The following TBC1D22A variants were observed in gnomAD, a reference collection of about 807,000 sequenced individuals.
TBC1D22A encodes the protein putative GTPase activator.
A neutral mutation model predicts 60.2 loss-of-function variants in TBC1D22A; 38 were observed. That is an observed-to-expected ratio of 0.63 (90% CI 0.49 to 0.83). The LOEUF (loss-of-function observed/expected upper bound fraction) is 0.83. TBC1D22A is among the 40% of genes least tolerant of loss of function. The pLI is 0.00. For synonymous variants in TBC1D22A, 302 were observed against 281.7 expected (o/e 1.07, Z -0.72); for missense variants, 628 against 701.0 (o/e 0.90, Z 1.18).
At chr22:47,100,201 G>A (rs568529687) in intron 11 of TBC1D22A, among the ~76,000 whole-genome samples, 23 of 151,858 alleles carry the variant, frequency 1.5e-4, no homozygotes, top group East Asian at 5.8e-4. Context: ...GGGGTGAGGC[G>A]TCAGGGCACA....
At chr22:47,076,376 T>TAC (rs1569422615) in intron 11 of TBC1D22A, among the ~76,000 whole-genome samples, 6 of 105,634 alleles carry the variant, frequency 5.7e-5, no homozygotes, top group African/African-American at 2.5e-4. Context: ...TATATATATA[T>TAC]ATATACACAC....
intron 1 of TBC1D22A, among the ~76,000 whole-genome samples, chr22:46,774,613 CCT>C (rs2083621263): frequency 6.6e-6 from 1 of 152,232 alleles, no homozygotes; most frequent in Non-Finnish European, 1.5e-5. Context: ...CCCTCTCCTC[CCT>C]GAGTCTGCCT....
Position 47,009,428 on chromosome 22 carries a change from CCAT to C in TBC1D22A, c.1201+11728_1201+11730del, listed in dbSNP as rs754365548. ...CATCACCATCATTGTGTCATCACCA[CCAT>C]CATCATCACCATCACCATCATTTCT... On this transcript the variant is annotated intron_variant, in intron 10 of 12. Coordinates refer to ENST00000337137, the MANE Select transcript of TBC1D22A (RefSeq NM_014346.5). This position sits in a 1 kb window ranked among gnomAD's most constrained non-coding sequence, Gnocchi z 5.8. Among the ~76,000 whole-genome samples, 21 of 151,126 alleles carry C rather than the reference CCAT, an allele frequency of 1.4e-4. No individual in the cohort carries two copies. Among genetic ancestry groups the C allele is most frequent in the Non-Finnish European group, 2.7e-4 (18 of 67,844 alleles).
At chr22:46,906,528 G>A (rs768680360) in intron 7 of TBC1D22A, among the ~76,000 whole-genome samples, 2 of 152,240 alleles carry the variant, frequency 1.3e-5, no homozygotes, top group Admixed American at 6.5e-5. Context: ...CAGAGACTCT[G>A]CGCTGATGGC....
rs561399781 is a variant in TBC1D22A, at chr22:47,143,565, T to TCA, written c.1426-29931_1426-29930dup. Among the ~76,000 whole-genome samples the TCA allele has an allele frequency of 4.7e-4, 72 of 152,344 alleles. 3 individuals carry two copies. The East Asian group carries it at 8.7e-3, about 18-fold the overall frequency. On this transcript the variant is annotated intron_variant, in intron 12 of 12. Coordinates refer to ENST00000337137, the MANE Select transcript of TBC1D22A (RefSeq NM_014346.5). The stretch of plus-strand genomic sequence containing the variant: ...CCTGGAATGATACTTAGGCACTGCC[T>TCA]CACGTGCAGAAAGCCTGTGACTGAA...
At chr22:46,967,943 C>T (rs1317676339) in intron 8 of TBC1D22A, among the ~76,000 whole-genome samples, 1 of 152,112 alleles carries the variant, frequency 6.6e-6, no homozygotes, top group African/African-American at 2.4e-5. Context: ...AGAGCACCCC[C>T]TGGTAATTAC....
intron 10 of TBC1D22A, among the ~76,000 whole-genome samples, chr22:47,010,917 C>T (rs61030154): frequency 3.9e-5 from 6 of 152,292 alleles, no homozygotes; most frequent in South Asian, 2.1e-4. Flanking sequence ...AGTTCAGCCT[C>T]GGTCCCTGAC....
At chr22:46,995,606 C>T (rs1414095035) in intron 9 of TBC1D22A, among the ~76,000 whole-genome samples, 2 of 152,098 alleles carry the variant, frequency 1.3e-5, no homozygotes, top group African/African-American at 4.8e-5. Context: ...GCTGCTGGCC[C>T]GAAGGCAGTC....
chr22:46,782,428 G>A (rs1335293992), intron 1 of TBC1D22A, among the ~76,000 whole-genome samples: 5 of 152,210 alleles, frequency 3.3e-5, no homozygotes, highest in Non-Finnish European at 7.3e-5. Context: ...TGACGTCCCG[G>A]CCTTCCTGGG....
chr22:47,129,123 T>G (rs1400962625), intron 12 of TBC1D22A, among the ~76,000 whole-genome samples: 3 of 152,182 alleles, frequency 2.0e-5, no homozygotes, highest in Non-Finnish European at 4.4e-5. Context: ...CTGATGAGCT[T>G]CAGCAGATCT....
intron 8 of TBC1D22A, among the ~76,000 whole-genome samples, chr22:46,929,400 A>T (rs2071224712): frequency 6.6e-6 from 1 of 152,304 alleles, no homozygotes; most frequent in South Asian, 2.1e-4. Flanking sequence ...CATGTGAGAG[A>T]GTGCCGTCTT....
At chr22:46,952,401 T>C (rs2072962541) in intron 8 of TBC1D22A, among the ~76,000 whole-genome samples, 1 of 152,216 alleles carries the variant, frequency 6.6e-6, no homozygotes, top group African/African-American at 2.4e-5. Flanking sequence ...GTGTCTTCAT[T>C]GAACTGTGTA....
chr22:47,024,081 TG>T (rs2062174248), intron 10 of TBC1D22A, among the ~76,000 whole-genome samples: 1 of 152,166 alleles, frequency 6.6e-6, no homozygotes, highest in African/African-American at 2.4e-5. Flanking sequence ...CAGGGAGAGA[TG>T]GAAGTACATC....
chr22:46,910,371 A>T lies in TBC1D22A; in HGVS notation c.901-1703A>T, dbSNP rs188205000. On this transcript the variant is annotated intron_variant, in intron 7 of 12. Transcript: ENST00000337137. Reference sequence around the variant, plus strand: ...TCCCGGGTTGATGGTGATTTTGGGGATGGAGCCTACCAAGCCCAGTAAGAT... The same window carrying T: ...TCCCGGGTTGATGGTGATTTTGGGGTTGGAGCCTACCAAGCCCAGTAAGAT... Among the ~76,000 whole-genome samples, 321 of 152,088 alleles carry T rather than the reference A, an allele frequency of 2.1e-3. 1 individual carries two copies. Among genetic ancestry groups the T allele is most frequent in the Admixed American group, 5.4e-3 (83 of 15,286 alleles).
intron 8 of TBC1D22A, among the ~76,000 whole-genome samples, chr22:46,961,450 A>G (rs1304126854): frequency 1.3e-5 from 2 of 152,224 alleles, no homozygotes; most frequent in Admixed American, 6.5e-5. Flanking sequence ...TTAGCTTTTC[A>G]AGCGACTCCA....
chr22:47,021,341 A>C (rs2062079388), intron 10 of TBC1D22A, among the ~76,000 whole-genome samples: 1 of 146,658 alleles, frequency 6.8e-6, no homozygotes, highest in Admixed American at 6.7e-5. Flanking sequence ...AGCCCTGAGC[A>C]GGGAACCTAG....
intron 4 of TBC1D22A, among the ~76,000 whole-genome samples, chr22:46,824,671 G>A (rs1358576515): frequency 1.3e-5 from 2 of 152,184 alleles, no homozygotes; most frequent in East Asian, 3.8e-4. Flanking sequence ...TAGGAGGGTG[G>A]TGGCTGGAGT....
intron 12 of TBC1D22A, among the ~76,000 whole-genome samples, chr22:47,121,630 C>A (rs184985772): frequency 1.2e-4 from 19 of 152,056 alleles, no homozygotes; most frequent in African/African-American, 4.3e-4. Context: ...ACAGAAAGAC[C>A]GAACAGAAAC....
chr22:46,991,603 G>C (rs756724120), intron 9 of TBC1D22A, among the ~76,000 whole-genome samples: 80 of 152,208 alleles, frequency 5.3e-4, no homozygotes, highest in Non-Finnish European at 2.5e-4. Context: ...CCTGGATTAC[G>C]GCAGTTGCCT....
Sources: gnomAD v4.1 joint callset for allele counts (sites outside exome capture counted in the v4.1 genomes callset) on GRCh38, gnomAD v4.1.1 for gene constraint, Gnocchi (gnomAD v3.1) non-coding constraint, MANE v1.5 for transcripts, NCBI Gene and HGNC (gene_info 2026-07-23, HGNC 2026-07-21) for gene names.